BCL7A: variants seen among roughly 807,000 people sequenced by gnomAD.
BCL7A encodes the protein B-cell CLL/lymphoma 7 protein family member A.
In BCL7A, 11 loss-of-function variants were observed where a neutral mutation model predicts 28.4. The ratio of observed to expected loss-of-function variants is 0.39; its 90% CI spans 0.24 to 0.64. BCL7A has a LOEUF of 0.64. BCL7A is among the 30% of genes least tolerant of loss of function. The pLI is 0.50. For missense variants in BCL7A, 222 were observed against 274.8 expected, an observed-to-expected ratio of 0.81 and a Z score of 1.36; for synonymous variants, 123 against 103.3, an observed-to-expected ratio of 1.19 and a Z score of -1.15.
intron 1 of BCL7A, among the ~76,000 whole-genome samples, chr12:122,023,800 G>A (rs540939719): frequency 1.3e-5 from 2 of 152,286 alleles, no homozygotes; most frequent in East Asian, 1.9e-4. Context: ...CTCTACTGTG[G>A]GATTCCCCGC....
chr12:122,040,359 C>G (rs930471435), intron 3 of BCL7A, among the ~76,000 whole-genome samples: 1 of 151,868 alleles, frequency 6.6e-6, no homozygotes, highest in African/African-American at 2.4e-5. Context: ...ATGGTGAAAC[C>G]CCATCTCTAC....
At chr12:122,055,512 G>A (rs1951871792) in intron 5 of BCL7A, among the ~76,000 whole-genome samples, 1 of 152,244 alleles carries the variant, frequency 6.6e-6, no homozygotes, top group African/African-American at 2.4e-5. Flanking sequence ...GGGCCACCGT[G>A]AGGATTCGAT....
rs114802215 is a variant in BCL7A, at chr12:122,061,829, G to A, written c.*2666G>A. On this transcript the variant is annotated 3_prime_UTR_variant, in exon 6 of 6. Transcript: ENST00000261822. ...TGGTGACCTCCCATTAGCAAACGGT[G>A]TCATGGTTTGGAATGTTCATTATCG... 1,453 of 226,878 alleles carry A rather than the reference G, an allele frequency of 6.4e-3. 18 individuals carry two copies. The highest frequency in any genetic ancestry group is 0.03 in the African/African-American group (1,331 of 44,974). The allele number at this position is 226,878 out of a possible 1,614,324, so 14.1% of individuals were successfully genotyped here. A position where few individuals can be genotyped will look rare whatever the true frequency, so the allele number is the denominator to read the frequency against.
intron 4 of BCL7A, among the ~76,000 whole-genome samples, chr12:122,053,951 A>G (rs1271733063): frequency 6.6e-6 from 1 of 152,178 alleles, no homozygotes; most frequent in African/African-American, 2.4e-5. Context: ...AACTGGAAAG[A>G]CGGGAATTAA....
chr12:122,054,937 C>T lies in BCL7A; in HGVS notation c.561+11C>T, dbSNP rs543537195. The stretch of plus-strand genomic sequence containing the variant: ...TCTGCAATCTCTCAGGTACCTCGCT[C>T]GAGGTCTCAGAGGGGCAGCCAGATC... On this transcript the variant is annotated intron_variant, in intron 5 of 5. Transcript: ENST00000261822. 12 of 1,614,144 alleles carry T rather than the reference C, an allele frequency of 7.4e-6. No individual in the cohort carries two copies. The highest frequency in any genetic ancestry group is 6.6e-5 in the South Asian group (6 of 91,070).
At chr12:122,025,135 G>A (rs918209015) in intron 1 of BCL7A, among the ~76,000 whole-genome samples, 3 of 152,118 alleles carry the variant, frequency 2.0e-5, no homozygotes, top group African/African-American at 7.2e-5. Context: ...GCCAGGGTTT[G>A]GGGGCCCTGT....
intron 1 of BCL7A, among the ~76,000 whole-genome samples, chr12:122,025,836 A>G (rs1180895556): frequency 2.0e-5 from 3 of 147,654 alleles, no homozygotes; most frequent in Non-Finnish European, 1.5e-5. Flanking sequence ...AATCCCAGCT[A>G]CTCTTAAGGC....
At chr12:122,028,928 G>T (rs944146474) in intron 1 of BCL7A, among the ~76,000 whole-genome samples, 1 of 152,144 alleles carries the variant, frequency 6.6e-6, no homozygotes, top group Non-Finnish European at 1.5e-5. Context: ...TTGAGGAGGG[G>T]AAAGGTGGGC....
chr12:122,042,145 C>T (rs1013504179), intron 3 of BCL7A, among the ~76,000 whole-genome samples: 1 of 152,170 alleles, frequency 6.6e-6, no homozygotes, highest in African/African-American at 2.4e-5. Flanking sequence ...GGCCCCAGCT[C>T]TGCCCCCAGC....
At chr12:122,034,567 C>T (rs1883812024) in intron 2 of BCL7A, among the ~76,000 whole-genome samples, 1 of 151,388 alleles carries the variant, frequency 6.6e-6, no homozygotes, top group Admixed American at 6.6e-5. Flanking sequence ...TGAAACCCGT[C>T]TCTACTAAAA....
intron 2 of BCL7A, among the ~76,000 whole-genome samples, chr12:122,034,746 A>C (rs1282061920): frequency 6.6e-6 from 1 of 151,646 alleles, no homozygotes; most frequent in East Asian, 1.9e-4. Context: ...TGTCTCAAAA[A>C]AAAAAAAAAG....
At chr12:122,053,109 G>A (rs1884232042) in intron 4 of BCL7A, among the ~76,000 whole-genome samples, 1 of 152,016 alleles carries the variant, frequency 6.6e-6, no homozygotes. Context: ...CGATTCTCCT[G>A]CCTCAGCCTC....
At chr12:122,036,280 C>T (rs1458659474) in intron 3 of BCL7A, among the ~76,000 whole-genome samples, 2 of 152,126 alleles carry the variant, frequency 1.3e-5, no homozygotes, top group African/African-American at 4.8e-5. Flanking sequence ...ACCTGTAGTC[C>T]TGGCTCCTTG....
At chr12:122,027,853 T>A (rs917808087) in intron 1 of BCL7A, among the ~76,000 whole-genome samples, 1 of 151,682 alleles carries the variant, frequency 6.6e-6, no homozygotes, top group Non-Finnish European at 1.5e-5. Context: ...ATAAAAAAAA[T>A]AAAAAAATAA....
At chr12:122,034,071 A>C (rs1258531957) in intron 2 of BCL7A, among the ~76,000 whole-genome samples, 5 of 149,966 alleles carry the variant, frequency 3.3e-5, no homozygotes, top group South Asian at 2.1e-4. Flanking sequence ...TTATCCTTCT[A>C]AAGGGAGACT....
chr12:122,034,209 A>G (rs1285179581), intron 2 of BCL7A, among the ~76,000 whole-genome samples: 8 of 28,172 alleles, frequency 2.8e-4, no homozygotes, highest in African/African-American at 9.0e-4. Flanking sequence ...ATATATATAT[A>G]TATATATATA....
chr12:122,037,453 G>C (rs1185521752), intron 3 of BCL7A, among the ~76,000 whole-genome samples: 1 of 152,202 alleles, frequency 6.6e-6, no homozygotes, highest in South Asian at 2.1e-4. Context: ...TTCCCCACGT[G>C]CTCAAATCGA....
chr12:122,034,883 C>T (rs1237350811), intron 2 of BCL7A, among the ~76,000 whole-genome samples: 2 of 152,206 alleles, frequency 1.3e-5, no homozygotes, highest in African/African-American at 4.8e-5. Context: ...GTGGAGTACA[C>T]TTTGAGAAAG....
Position 122,021,918 on chromosome 12 carries a change from GT to G in BCL7A, c.-173del. On this transcript the variant is annotated 5_prime_UTR_variant, in exon 1 of 6. Transcript: ENST00000261822. ...CAGGCGCGCGGCGGCCCCGGGCTTTGTGTGTGTGTGTATGTGTGTGTGTGTG... is the reference window on the plus strand; with the variant it reads ...CAGGCGCGCGGCGGCCCCGGGCTTTGGTGTGTGTGTATGTGTGTGTGTGTG... 1 of 296,500 alleles carries G rather than the reference GT, an allele frequency of 3.4e-6. No homozygotes were observed. The highest frequency in any genetic ancestry group is 5.0e-5 in the East Asian group (1 of 20,156). 18.4% of individuals were successfully genotyped at this position (296,500 alleles called of 1,614,324 possible).
Sources: allele counts gnomAD v4.1 joint callset (sites outside exome capture counted in the v4.1 genomes callset), GRCh38; gene constraint gnomAD v4.1.1; transcripts MANE v1.5; gene names NCBI Gene and HGNC (gene_info 2026-07-23, HGNC 2026-07-21).